Variants in ACVR2A observed in about 807,000 individuals in gnomAD.
The protein encoded by ACVR2A is activin A receptor type 2A.
ACVR2A carries 7 observed loss-of-function variants against 61.4 expected under a neutral mutation model. The ratio of observed to expected loss-of-function variants is 0.11; its 90% CI spans 0.06 to 0.21. The LOEUF (loss-of-function observed/expected upper bound fraction) is 0.21. ACVR2A is among the 10% of genes least tolerant of loss of function. The probability of loss-of-function intolerance (pLI) is 1.00; values close to 1 mark genes in which losing one functional copy is unlikely to be tolerated. For synonymous variants in ACVR2A, 193 were observed against 208.3 expected (o/e 0.93, Z 0.63); for missense variants, 322 against 621.7 (o/e 0.52, Z 5.13).
chr2:147,920,094 C>T, intron 7 of ACVR2A, 136 bp from the exon 8 acceptor site: 2 of 616,992 alleles, frequency 3.2e-6, no homozygotes, highest in Non-Finnish European at 2.8e-6. Flanking sequence ...CTTTGTTTGT[C>T]TCACTTTCTC....
At position 147,926,018 on chromosome 2, in the gene ACVR2A, T is replaced by A; in HGVS notation, c.1217-13T>A. On this transcript the variant is annotated splice_polypyrimidine_tract_variant and intron_variant, in intron 9 of 10. Coordinates refer to ENST00000241416, the MANE Select transcript of ACVR2A (RefSeq NM_001616.5). ...TAATGAAAATGATTTATTTTACTTT[T>A]CTTACTTTTCAGGACCTGTAGATGA... The A allele has an allele frequency of 6.3e-7, 1 of 1,592,218 alleles. No homozygotes were observed. The highest frequency in any genetic ancestry group is 8.5e-7 in the Non-Finnish European group (1 of 1,173,094).
chr2:147,919,045 C>G (rs7601098), intron 7 of ACVR2A, among the ~76,000 whole-genome samples: 130,924 of 152,064 alleles, frequency 0.86, 57,712 homozygotes, highest in East Asian at 1. Flanking sequence ...TGAAGAAATA[C>G]TACTTAGACC....
intron 1 of ACVR2A, among the ~76,000 whole-genome samples, chr2:147,867,435 A>G (rs185806791): frequency 1.1e-4 from 17 of 152,280 alleles, no homozygotes; most frequent in African/African-American, 4.1e-4. Flanking sequence ...AATGTTCTTC[A>G]AAATCCAAGC....
chr2:147,929,524 G>A lies in ACVR2A; in HGVS notation c.*2250G>A, dbSNP rs1322368380. 1.3e-5 allele frequency: 2 copies of A among 152,358 alleles called. No individual in the cohort carries two copies. Among genetic ancestry groups the A allele is most frequent in the Non-Finnish European group, 2.9e-5 (2 of 67,964 alleles). The allele number at this position is 152,358 out of a possible 1,614,324, so 9.4% of individuals were successfully genotyped here. ...GAAATCCTGGGTATTGTATTTAACT[G>A]TAGCTAACCAATTTTAAAACTTGTA... On this transcript the variant is annotated 3_prime_UTR_variant, in exon 11 of 11. Transcript: ENST00000241416.
intron 7 of ACVR2A, among the ~76,000 whole-genome samples, chr2:147,919,266 A>G (rs564107388): frequency 2.4e-4 from 36 of 152,262 alleles, no homozygotes; most frequent in African/African-American, 8.7e-4. Context: ...GCTGGGAGGC[A>G]TTATTGTAAG....
At chr2:147,912,146 C>T (rs1687135001) in intron 4 of ACVR2A, among the ~76,000 whole-genome samples, 1 of 151,890 alleles carries the variant, frequency 6.6e-6, no homozygotes, top group Non-Finnish European at 1.5e-5. Context: ...TTTGTAGCTT[C>T]CCACCTCTAA....
chr2:147,920,519 G>A (rs1687353666), intron 8 of ACVR2A, among the ~76,000 whole-genome samples, 175 bp downstream of exon 8: 1 of 152,112 alleles, frequency 6.6e-6, no homozygotes, highest in Non-Finnish European at 1.5e-5. Context: ...GACTCAGGTG[G>A]TTTAGATCAA....
intron 2 of ACVR2A, 86 bp from the exon 3 acceptor site, chr2:147,899,372 A>G (rs1686818848): frequency 1.6e-5 from 14 of 863,458 alleles, no homozygotes; most frequent in Non-Finnish European, 2.0e-5. Context: ...TGACTAATTT[A>G]TTATTTTATT....
intron 1 of ACVR2A, among the ~76,000 whole-genome samples, chr2:147,856,754 G>C (rs1210382844): frequency 6.6e-6 from 1 of 152,112 alleles, no homozygotes; most frequent in African/African-American, 2.4e-5. Context: ...ATTCAAAGTA[G>C]AATAAAACAC....
At chr2:147,915,401 T>C in intron 5 of ACVR2A, 67 bp downstream of exon 5, 1 of 1,587,752 alleles carries the variant, frequency 6.3e-7, no homozygotes, top group Non-Finnish European at 8.6e-7. Context: ...AACTCAGAAA[T>C]AGTCTCAAAA....
chr2:147,910,768 T>A (rs1050140500), intron 4 of ACVR2A, among the ~76,000 whole-genome samples: 2 of 152,132 alleles, frequency 1.3e-5, no homozygotes, highest in African/African-American at 4.8e-5. Flanking sequence ...TCTGAGTGTC[T>A]TTAGAATGTG....
intron 1 of ACVR2A, among the ~76,000 whole-genome samples, chr2:147,862,037 GC>G (rs1432577612): frequency 6.6e-6 from 1 of 152,140 alleles, no homozygotes; most frequent in Non-Finnish European, 1.5e-5. Flanking sequence ...AATCAGTGGA[GC>G]TAGAACTAAA....
At chr2:147,883,166 G>A (rs1686350269) in intron 1 of ACVR2A, among the ~76,000 whole-genome samples, 1 of 152,058 alleles carries the variant, frequency 6.6e-6, no homozygotes, top group Non-Finnish European at 1.5e-5. Flanking sequence ...TCAATGTGTA[G>A]TAAAATGAGT....
At position 147,873,864 on chromosome 2, in the gene ACVR2A, G is replaced by A. The variant is rs6713677; in HGVS notation, c.56-22437G>A. On this transcript the variant is annotated intron_variant, in intron 1 of 10. Transcript: ENST00000241416. ...CCAAGGGCTTTTTAGCCTAGGCTGTGTCTGTGTAGCCTGGAGGAGAGAAGT... is the reference window on the plus strand; with the variant it reads ...CCAAGGGCTTTTTAGCCTAGGCTGTATCTGTGTAGCCTGGAGGAGAGAAGT... Among the ~76,000 whole-genome samples the A allele has an allele frequency of 8.0e-3, 1,222 of 152,098 alleles. 26 individuals carry two copies. The highest frequency in any genetic ancestry group is 0.028 in the African/African-American group (1,147 of 41,554).
chr2:147,920,159 T>C, intron 7 of ACVR2A, 71 bp from the exon 8 acceptor site: 1 of 1,020,962 alleles, frequency 9.8e-7, no homozygotes, highest in Non-Finnish European at 1.5e-6. Flanking sequence ...TTCCCCCTTT[T>C]CTGCTTTCAA....
chr2:147,891,647 AAAGT>A (rs1486375153), intron 1 of ACVR2A, among the ~76,000 whole-genome samples: 2 of 152,246 alleles, frequency 1.3e-5, no homozygotes, highest in African/African-American at 2.4e-5. Context: ...GTCCATAAAT[AAAGT>A]TTTAATGCAA....
At chr2:147,896,182 A>G (rs573293782) in intron 1 of ACVR2A, 119 bp from the exon 2 acceptor site, 41 of 851,814 alleles carry the variant, frequency 4.8e-5, no homozygotes, top group Non-Finnish European at 6.6e-5. Flanking sequence ...ACCCAAAGTT[A>G]TAAGTGGGAA....
intron 1 of ACVR2A, among the ~76,000 whole-genome samples, chr2:147,848,893 C>T (rs1367243498): frequency 1.3e-5 from 2 of 152,130 alleles, no homozygotes; most frequent in Non-Finnish European, 2.9e-5. Flanking sequence ...GCTCTGCTCT[C>T]TTCCCCCTAA....
rs1370059728 is a variant in ACVR2A at position 147,928,165 on chromosome 2, T to C, written c.*891T>C. 6.6e-6 allele frequency: 1 copy of C among 152,102 alleles called. No individual in the cohort carries two copies. The highest frequency in any genetic ancestry group is 1.5e-5 in the Non-Finnish European group (1 of 67,848). The allele number at this position is 152,102 out of a possible 1,614,324, so 9.4% of individuals were successfully genotyped here. On this transcript the variant is annotated 3_prime_UTR_variant, in exon 11 of 11. Coordinates refer to ENST00000241416, the MANE Select transcript of ACVR2A (RefSeq NM_001616.5). ...CAAAATTTGCATACTTACCTAAGTA[T>C]TTTTTTTAGGTGTGCTGTGTTTGGG...
Sources: allele counts gnomAD v4.1 joint callset (sites outside exome capture counted in the v4.1 genomes callset), GRCh38; gene constraint gnomAD v4.1.1; transcripts MANE v1.5; gene names NCBI Gene and HGNC (gene_info 2026-07-23, HGNC 2026-07-21).